The following CALCR variants were observed in gnomAD, a reference collection of about 807,000 sequenced individuals.
CALCR encodes calcitonin receptor.
Under a neutral mutation model 59.5 loss-of-function variants are expected in CALCR, and 47 were observed. The ratio of observed to expected loss-of-function variants is 0.79; its 90% confidence interval spans 0.63 to 1.01. The LOEUF is 1.01. CALCR is among the 50% of genes least tolerant of loss of function. CALCR has a pLI of 0.00. For synonymous variants in CALCR, 213 were observed against 211.3 expected (o/e 1.01, Z -0.07); for missense variants, 566 against 597.1 (o/e 0.95, Z 0.54).
chr7:93,499,955 C>T (rs1277237115), intron 2 of CALCR, among the ~76,000 whole-genome samples: 1 of 151,812 alleles, frequency 6.6e-6, no homozygotes, highest in African/African-American at 2.4e-5. Flanking sequence ...TCCTTATACA[C>T]ACACTGTTGA....
At chr7:93,532,676 C>G (rs1034253449) in intron 2 of CALCR, among the ~76,000 whole-genome samples, 2 of 151,638 alleles carry the variant, frequency 1.3e-5, no homozygotes, top group African/African-American at 4.8e-5. Context: ...AACAGCCCAC[C>G]TGGTTAGGTT....
intron 2 of CALCR, among the ~76,000 whole-genome samples, chr7:93,531,065 G>T (rs2116132702): frequency 6.6e-6 from 1 of 151,870 alleles, no homozygotes; most frequent in East Asian, 1.9e-4. Context: ...TGGGGAAAAG[G>T]CTCTCCACAG....
In CALCR at chr7:93,505,214, C is replaced by G. The variant is rs572619108; in HGVS notation, c.-26-18207G>C. 5.9e-5 allele frequency among the ~76,000 whole-genome samples: 9 copies of G among 151,874 alleles called. No individual in the cohort carries two copies. In the South Asian group the frequency reaches 8.3e-4, roughly 14 times the overall value. ...TAGTCACAATGTTCTTTGCAGAACT[C>G]CCCCCCAAAAATAGTTTGAGTTTCC... On this transcript the variant is annotated intron_variant, in intron 2 of 13. Coordinates refer to ENST00000426151, the MANE Select transcript of CALCR (RefSeq NM_001742.4).
At chr7:93,464,416 AC>A (rs1307186327) in intron 7 of CALCR, among the ~76,000 whole-genome samples, 3 of 152,016 alleles carry the variant, frequency 2.0e-5, no homozygotes, top group African/African-American at 7.2e-5. Flanking sequence ...TGTAATTGGT[AC>A]AAGCCCAAGT....
At chr7:93,504,790 A>G (rs918762710) in intron 2 of CALCR, among the ~76,000 whole-genome samples, 1 of 152,158 alleles carries the variant, frequency 6.6e-6, no homozygotes, top group Non-Finnish European at 1.5e-5. Flanking sequence ...GTATTCTCTT[A>G]GGAAGACTGA....
chr7:93,511,021 G>C (rs887579933), intron 2 of CALCR, among the ~76,000 whole-genome samples: 3 of 152,018 alleles, frequency 2.0e-5, no homozygotes, highest in Admixed American at 2.0e-4. Flanking sequence ...AGGTGACCTT[G>C]AATTGAGAGC....
At chr7:93,465,867 T>C (rs1240846409) in intron 7 of CALCR, among the ~76,000 whole-genome samples, 4 of 151,898 alleles carry the variant, frequency 2.6e-5, no homozygotes, top group Non-Finnish European at 4.4e-5. Context: ...CCCAAGTTTT[T>C]AGTGAAGTAT....
Position 93,506,646 on chromosome 7 carries a change from ATTTTT to A in CALCR, c.-26-19644_-26-19640del, listed in dbSNP as rs111234461. Among the ~76,000 whole-genome samples, 358 of 141,458 alleles carry A rather than the reference ATTTTT, an allele frequency of 2.5e-3. 1 individual carries two copies. The highest frequency in any genetic ancestry group is 0.015 in the Middle Eastern group (4 of 264). 92.8% of individuals were successfully genotyped at this position (141,458 alleles called of 152,430 possible). On this transcript the variant is annotated intron_variant, in intron 2 of 13. Coordinates refer to ENST00000426151, the MANE Select transcript of CALCR (RefSeq NM_001742.4). ...TTTGGTCAAACAGTTGTTGATTGTG[ATTTTT>A]TTTTTTTTTTGGCTTCACTTGGTGG...
At chr7:93,534,247 T>C (rs1788926176) in intron 2 of CALCR, among the ~76,000 whole-genome samples, 1 of 151,836 alleles carries the variant, frequency 6.6e-6, no homozygotes, top group Non-Finnish European at 1.5e-5. Context: ...ATACATATAA[T>C]ACAAGATATG....
chr7:93,454,713 T>G (rs945991879), intron 8 of CALCR, among the ~76,000 whole-genome samples: 5 of 151,980 alleles, frequency 3.3e-5, no homozygotes, highest in African/African-American at 1.2e-4. Context: ...AAACTGAGGA[T>G]GTATTCAGCC....
chr7:93,542,386 G>T (rs558857577), intron 2 of CALCR, among the ~76,000 whole-genome samples: 40 of 152,296 alleles, frequency 2.6e-4, no homozygotes, highest in African/African-American at 9.6e-4. Context: ...TAGTTTAAAA[G>T]ATTTTTAAAA....
At chr7:93,552,226 AG>A (rs1563018038) in intron 2 of CALCR, among the ~76,000 whole-genome samples, 3 of 152,174 alleles carry the variant, frequency 2.0e-5, no homozygotes, top group African/African-American at 7.2e-5. Flanking sequence ...TACCTAACTT[AG>A]AAAGTGGCTA....
intron 9 of CALCR, among the ~76,000 whole-genome samples, chr7:93,441,819 G>A: frequency 6.6e-6 from 1 of 152,072 alleles, no homozygotes; most frequent in African/African-American, 2.4e-5. Context: ...TTGCTGGAGG[G>A]TTCACAATCA....
chr7:93,572,249 A>G (rs1283919118), intron 2 of CALCR, among the ~76,000 whole-genome samples: 1 of 152,104 alleles, frequency 6.6e-6, no homozygotes, highest in Non-Finnish European at 1.5e-5. Context: ...AAACTATTTG[A>G]CCAGCGATAT....
intron 2 of CALCR, among the ~76,000 whole-genome samples, chr7:93,531,269 C>T (rs1297615048): frequency 2.0e-5 from 3 of 151,990 alleles, no homozygotes; most frequent in Admixed American, 6.6e-5. Flanking sequence ...TGCCTTCACT[C>T]GGTGGAGAAG....
chr7:93,449,058 C>T (rs987343515), intron 8 of CALCR, among the ~76,000 whole-genome samples: 1 of 151,960 alleles, frequency 6.6e-6, no homozygotes, highest in African/African-American at 2.4e-5. Flanking sequence ...TCGAAATGGT[C>T]TAAATAGTAC....
chr7:93,442,237 C>T (rs935059687), intron 9 of CALCR, among the ~76,000 whole-genome samples: 2 of 152,184 alleles, frequency 1.3e-5, no homozygotes, highest in Admixed American at 1.3e-4. Flanking sequence ...ACGCTAGATT[C>T]TGACAACTTC....
intron 2 of CALCR, among the ~76,000 whole-genome samples, chr7:93,506,035 C>T (rs1172753725): frequency 6.6e-6 from 1 of 152,190 alleles, no homozygotes; most frequent in African/African-American, 2.4e-5. Flanking sequence ...CGGTGTACTC[C>T]ACCTCAGGCC....
At chr7:93,550,662 A>C (rs1789433586) in intron 2 of CALCR, among the ~76,000 whole-genome samples, 1 of 149,230 alleles carries the variant, frequency 6.7e-6, no homozygotes, top group South Asian at 2.1e-4. Context: ...TTTTGTAACA[A>C]TTGCTAAAGG....
Sources: gnomAD v4.1 joint callset for allele counts (sites outside exome capture counted in the v4.1 genomes callset) on GRCh38, gnomAD v4.1.1 for gene constraint, MANE v1.5 for transcripts, NCBI Gene and HGNC (gene_info 2026-07-23, HGNC 2026-07-21) for gene names.